Variants in NRXN1 observed in about 807,000 individuals in gnomAD.
NRXN1 encodes the protein neurexin-1.
NRXN1 carries 39 observed loss-of-function variants against 150.9 expected under a neutral mutation model. That is an observed-to-expected ratio of 0.26 (90% CI 0.20 to 0.34). The LOEUF (loss-of-function observed/expected upper bound fraction) is 0.34. Ranked by LOEUF, NRXN1 falls within the 10% of genes least tolerant of loss-of-function variation. NRXN1 has a pLI of 1.00. For synonymous variants in NRXN1, 924 were observed against 757.0 expected (o/e 1.22, Z -3.62); for missense variants, 1,815 against 1,949.9 (o/e 0.93, Z 1.30).
intron 2 of NRXN1, among the ~76,000 whole-genome samples, chr2:51,010,939 T>C (rs765795660): frequency 6.6e-6 from 1 of 151,828 alleles, no homozygotes; most frequent in African/African-American, 2.4e-5. Flanking sequence ...TGCCACAACA[T>C]CTGGCTAATT....
intron 19 of NRXN1, among the ~76,000 whole-genome samples, chr2:50,077,946 T>G (rs1202184399): frequency 6.6e-6 from 1 of 152,092 alleles, no homozygotes; most frequent in African/African-American, 2.4e-5. Context: ...GTTAAATTCA[T>G]AAAGCTAAAA....
chr2:50,219,950 TATAATATATATA>T (rs2063710874), intron 18 of NRXN1, among the ~76,000 whole-genome samples: 1 of 70,374 alleles, frequency 1.4e-5, no homozygotes, highest in Non-Finnish European at 2.4e-5. Context: ...ATATTATATA[TATAATATATATA>T]TTATATATAT....
rs371248643 is a variant in NRXN1, at chr2:50,581,580, A to T, written c.1321-28555T>A. Among the ~76,000 whole-genome samples the T allele has an allele frequency of 2.6e-4, 39 of 152,294 alleles. 1 individual carries two copies. The highest frequency in any genetic ancestry group is 9.1e-4 in the African/African-American group (38 of 41,574). On this transcript the variant is annotated intron_variant, in intron 8 of 22. Coordinates refer to ENST00000401669, the MANE Select transcript of NRXN1 (RefSeq NM_001330078.2). Reference sequence around the variant, plus strand: ...TCTTAAACAAGAGTTTTCTGTGATAATTTTTATTAGGTGCAAAGGGAACTA... The same window carrying T: ...TCTTAAACAAGAGTTTTCTGTGATATTTTTTATTAGGTGCAAAGGGAACTA...
rs374834864 is a variant in NRXN1, at chr2:50,992,542, G to A, written c.772+34960C>T. 6.6e-4 allele frequency among the ~76,000 whole-genome samples: 100 copies of A among 152,066 alleles called. No homozygotes were observed. In the Middle Eastern group the frequency reaches 0.017, roughly 26 times the overall value. On this transcript the variant is annotated intron_variant, in intron 2 of 22. Transcript: ENST00000401669. ...TAAAAAGCACAGTTCTTTGTAGACA[G>A]AACACTACCTATTATGACAATAAGC... is the stretch of plus-strand genomic sequence containing the variant.
In NRXN1 at chr2:50,269,684, C is replaced by A. The variant is rs940305458; in HGVS notation, c.3365-32714G>T. 5.3e-5 allele frequency among the ~76,000 whole-genome samples: 8 copies of A among 152,162 alleles called. No individual in the cohort carries two copies. The South Asian group carries it at 8.3e-4, about 16-fold the overall frequency. On this transcript the variant is annotated intron_variant, in intron 17 of 22. Transcript: ENST00000401669. ...CACCTGCCAAAAGCCTGCCGTTTTGCAAACTAGTCGAGTTTTCTCATGATA... is the reference window on the plus strand; with the variant it reads ...CACCTGCCAAAAGCCTGCCGTTTTGAAAACTAGTCGAGTTTTCTCATGATA...
intron 12 of NRXN1, among the ~76,000 whole-genome samples, chr2:50,511,593 A>C (rs534358468): frequency 3.0e-4 from 46 of 152,294 alleles, no homozygotes; most frequent in South Asian, 6.2e-4. Context: ...AGCAGTAAAC[A>C]TTTCAGTTTT....
chr2:50,534,124 CACACAT>C (rs1162612092), intron 10 of NRXN1, among the ~76,000 whole-genome samples: 3 of 151,980 alleles, frequency 2.0e-5, no homozygotes, highest in East Asian at 1.9e-4. Flanking sequence ...CACACACACA[CACACAT>C]ACACACACAG....
intron 5 of NRXN1, chr2:50,624,801 T>C (rs1050792723): frequency 2.0e-5 from 3 of 152,160 alleles, no homozygotes; most frequent in African/African-American, 7.2e-5. Context: ...CGTATCTTAT[T>C]CTTTACCAGA....
At chr2:50,141,302 T>C (rs1707240016) in intron 18 of NRXN1, among the ~76,000 whole-genome samples, 1 of 151,750 alleles carries the variant, frequency 6.6e-6, no homozygotes, top group Admixed American at 6.6e-5. Flanking sequence ...ATATACAAAA[T>C]TCAACTCTAA....
chr2:50,477,384 T>C (rs2090075203), intron 15 of NRXN1, among the ~76,000 whole-genome samples: 2 of 152,180 alleles, frequency 1.3e-5, no homozygotes, highest in South Asian at 4.1e-4. Context: ...ATGTGGAATT[T>C]GAGTAGGAAC....
chr2:49,989,060 T>C (rs1681459756), intron 21 of NRXN1, among the ~76,000 whole-genome samples: 1 of 152,168 alleles, frequency 6.6e-6, no homozygotes, highest in African/African-American at 2.4e-5. Context: ...TGTAATTGTA[T>C]GCTATTTTAA....
At chr2:50,470,573 G>C (rs150204145) in intron 16 of NRXN1, among the ~76,000 whole-genome samples, 3 of 151,620 alleles carry the variant, frequency 2.0e-5, no homozygotes, top group African/African-American at 7.3e-5. Context: ...TAAATATAAC[G>C]ACATTATTTT....
intron 2 of NRXN1, among the ~76,000 whole-genome samples, chr2:50,978,246 C>G (rs1696174731): frequency 8.2e-6 from 1 of 121,480 alleles, no homozygotes; most frequent in African/African-American, 2.9e-5. Flanking sequence ...CTTCCAGAGA[C>G]CATACTCTGA....
intron 5 of NRXN1, among the ~76,000 whole-genome samples, chr2:50,883,256 T>C (rs1295585097): frequency 6.6e-6 from 1 of 151,832 alleles, no homozygotes; most frequent in African/African-American, 2.4e-5. Context: ...CATTAAGGTG[T>C]ATATACTGAT....
Position 50,347,510 on chromosome 2 carries a change from G to A in NRXN1, c.3365-110540C>T, listed in dbSNP as rs200442935. 29 of 1,052,684 alleles carry A rather than the reference G, an allele frequency of 2.8e-5. No individual in the cohort carries two copies. The highest frequency in any genetic ancestry group is 3.0e-5 in the Non-Finnish European group (26 of 869,848). The allele number at this position is 1,052,684 out of a possible 1,614,324, so 65.2% of individuals were successfully genotyped here. A position where few individuals can be genotyped will look rare whatever the true frequency, so the allele number is the denominator to read the frequency against. ...GCGCCCCTTCCCTCCATTCAGCCCC[G>A]GCCGGCTCGCCCGCTAGCGCCAGCC... On this transcript the variant is annotated intron_variant, in intron 17 of 22. Transcript: ENST00000401669. This position sits in a 1 kb window ranked among gnomAD's most constrained non-coding sequence, Gnocchi z 4.9.
chr2:50,061,723 G>T (rs1270992792), intron 19 of NRXN1, among the ~76,000 whole-genome samples: 1 of 152,150 alleles, frequency 6.6e-6, no homozygotes, highest in Admixed American at 6.5e-5. Flanking sequence ...TAACAATTTA[G>T]TCTCACACTT....
chr2:50,357,912 G>A (rs2078933907), intron 17 of NRXN1, among the ~76,000 whole-genome samples: 3 of 152,096 alleles, frequency 2.0e-5, no homozygotes, highest in African/African-American at 7.2e-5. Context: ...TAGACAGTGG[G>A]TGCAGCCCAC....
intron 8 of NRXN1, among the ~76,000 whole-genome samples, chr2:50,609,322 G>A (rs561074889): frequency 3.3e-5 from 5 of 152,110 alleles, no homozygotes; most frequent in Non-Finnish European, 7.4e-5. Flanking sequence ...ATTTCAAGAT[G>A]ACAAGAAGAA....
chr2:50,109,489 C>T (rs1702097205), intron 18 of NRXN1, among the ~76,000 whole-genome samples: 1 of 152,124 alleles, frequency 6.6e-6, no homozygotes, highest in African/African-American at 2.4e-5. Flanking sequence ...TTTAAAATAG[C>T]ATACTCTTCC....
Sources: allele counts gnomAD v4.1 joint callset (sites outside exome capture counted in the v4.1 genomes callset), GRCh38; gene constraint gnomAD v4.1.1; non-coding constraint Gnocchi (gnomAD v3.1); transcripts MANE v1.5; gene names NCBI Gene and HGNC (gene_info 2026-07-23, HGNC 2026-07-21).